The following NAA15 variants were observed in gnomAD, a reference collection of about 807,000 sequenced individuals.
NAA15 encodes N-terminal acetyltransferase.
NAA15 carries 34 observed loss-of-function variants against 114.0 expected under a neutral mutation model. The observed-to-expected ratio is 0.30, with a 90% CI of 0.23 to 0.40. The LOEUF is 0.40. NAA15 is among the 10% of genes least tolerant of loss of function. The pLI is 1.00. For synonymous variants in NAA15, 340 were observed against 338.0 expected (o/e 1.01, Z -0.06); for missense variants, 658 against 1,004.5 (o/e 0.66, Z 4.66).
At chr4:139,341,612 A>AAG (rs1187229291) in intron 4 of NAA15, among the ~76,000 whole-genome samples, 6 of 150,722 alleles carry the variant, frequency 4.0e-5, no homozygotes, top group African/African-American at 9.7e-5. Flanking sequence ...AAAAAAAAAA[A>AAG]AAAAAAAGAA....
chr4:139,378,700 C>G lies in NAA15; in HGVS notation c.2057-56C>G, dbSNP rs187939374. 15 of 1,120,762 alleles carry G rather than the reference C, an allele frequency of 1.3e-5. No homozygotes were observed. The African/African-American group carries it at 2.3e-4, about 17-fold the overall frequency. The allele number at this position is 1,120,762 out of a possible 1,614,324, so 69.4% of individuals were successfully genotyped here. ...TTTCTATTTGTGAAGTCTTGGCCCT[C>G]CAAAGGAGGCCTCTTATCCAATGAT... is the stretch of plus-strand genomic sequence containing the variant. On this transcript the variant is annotated intron_variant, in intron 16 of 19. Coordinates refer to ENST00000296543, the MANE Select transcript of NAA15 (RefSeq NM_057175.5).
chr4:139,344,894 A>G (rs1747531883), intron 6 of NAA15, among the ~76,000 whole-genome samples: 1 of 152,206 alleles, frequency 6.6e-6, no homozygotes, highest in Admixed American at 6.5e-5. Context: ...TTGTGATAGG[A>G]GGGGTAGATC....
chr4:139,370,410 T>C lies in NAA15; in HGVS notation c.1947+6T>C. ...TTCCAGAGAAACTGGCCAAGGTACT[T>C]AATAATAGTGTTTAGCACAATTGAG... On this transcript the variant is annotated splice_donor_region_variant and intron_variant, in intron 15 of 19. Transcript: ENST00000296543. The C allele has an allele frequency of 6.4e-7, 1 of 1,563,336 alleles. No homozygotes were observed. The highest frequency in any genetic ancestry group is 8.6e-7 in the Non-Finnish European group (1 of 1,164,286).
At position 139,354,111 on chromosome 4, in the gene NAA15, G is replaced by C. The variant is rs527263917; in HGVS notation, c.1087+13G>C. On this transcript the variant is annotated intron_variant, in intron 10 of 19. Transcript: ENST00000296543. ...TTTAACCCCAATGGTAAGTCCTCAA[G>C]TTTTATGTTTTAAAAACATCTTGAA... 1 of 1,601,116 alleles carries C rather than the reference G, an allele frequency of 6.2e-7. No homozygotes were observed. Among genetic ancestry groups the C allele is most frequent in the Admixed American group, 1.7e-5 (1 of 59,328 alleles).
At chr4:139,377,358 G>A (rs1748618822) in intron 16 of NAA15, among the ~76,000 whole-genome samples, 1 of 152,074 alleles carries the variant, frequency 6.6e-6, no homozygotes, top group Admixed American at 6.6e-5. Context: ...CCAACATGGA[G>A]AAACCCCGTC....
chr4:139,309,037 A>G (rs1400583807), intron 1 of NAA15, among the ~76,000 whole-genome samples: 1 of 152,172 alleles, frequency 6.6e-6, no homozygotes, highest in South Asian at 2.1e-4. Context: ...AAAAATTACA[A>G]AATGATTTTT....
intron 1 of NAA15, among the ~76,000 whole-genome samples, chr4:139,320,470 C>T (rs983868152): frequency 2.0e-5 from 3 of 152,038 alleles, no homozygotes; most frequent in African/African-American, 7.2e-5. Context: ...GTTGCTTTTC[C>T]CAGTTCTTTC....
rs1052383154 is a variant in NAA15 at position 139,351,703 on chromosome 4, G to A, written c.1014+92G>A. ...CTTGATTATCTCTGCACAGTAGTAC[G>A]TGTTTTGTGAATCTCATGTCAGTCT... On this transcript the variant is annotated intron_variant, in intron 9 of 19. Coordinates refer to ENST00000296543, the MANE Select transcript of NAA15 (RefSeq NM_057175.5). 3.8e-5 allele frequency: 23 copies of A among 608,152 alleles called. No homozygotes were observed. The Admixed American group carries it at 5.2e-4, about 14-fold the overall frequency. 37.7% of individuals were successfully genotyped at this position (608,152 alleles called of 1,614,324 possible).
chr4:139,361,870 A>G lies in NAA15; in HGVS notation c.1686A>G (p.Ile562Met). ...PFYFKAARIA[I>M]EIYLKLHDNP... ...ACTTCAAGGCAGCAAGAATTGCTAT[A>G]GAGATCTATTTGAAGCTTCATGACA... Residue 562 changes from isoleucine (I) to methionine (M), a missense_variant, in exon 14 of 20, where the codon ATA becomes ATG. Around this residue, in one of 6 missense-constraint regions of NAA15, gnomAD observed 275 missense variants for 371.1 expected, o/e 0.74. Coordinates refer to ENST00000296543, the MANE Select transcript of NAA15 (RefSeq NM_057175.5). 1.9e-6 allele frequency: 3 copies of G among 1,613,506 alleles called. No homozygotes were observed. The highest frequency in any genetic ancestry group is 2.5e-6 in the Non-Finnish European group (3 of 1,179,550).
intron 6 of NAA15, 118 bp from the exon 7 acceptor site, chr4:139,349,344 C>T (rs1236492443): frequency 1.4e-5 from 12 of 832,906 alleles, no homozygotes; most frequent in Non-Finnish European, 2.1e-5. Flanking sequence ...CCAGGTCCAT[C>T]CACTTAGCAG....
intron 1 of NAA15, among the ~76,000 whole-genome samples, chr4:139,325,113 G>GC: frequency 1.2e-5 from 1 of 82,866 alleles, no homozygotes; most frequent in East Asian, 2.7e-4. Flanking sequence ...CATTCAAGGG[G>GC]CGGGGGGTTT....
intron 10 of NAA15, among the ~76,000 whole-genome samples, chr4:139,356,894 G>T (rs1028226440): frequency 1.5e-4 from 22 of 149,394 alleles, no homozygotes; most frequent in Non-Finnish European, 8.9e-5. Context: ...AATATATTAA[G>T]AATATAATCA....
At chr4:139,360,730 G>T in intron 13 of NAA15, 102 bp downstream of exon 13, 1 of 1,053,736 alleles carries the variant, frequency 9.5e-7, no homozygotes, top group East Asian at 3.0e-5. Context: ...ATTCATAGTA[G>T]GTGCTTTTTA....
At chr4:139,342,753 T>C (rs1747450666) in intron 4 of NAA15, 73 bp from the exon 5 acceptor site, 3 of 1,456,550 alleles carry the variant, frequency 2.1e-6, no homozygotes, top group South Asian at 2.5e-5. Flanking sequence ...TGGCCTAATA[T>C]GGAGATCTTT....
chr4:139,351,311 AT>A (rs770801370), intron 8 of NAA15, 25 bp downstream of exon 8: 29 of 1,462,752 alleles, frequency 2.0e-5, no homozygotes, highest in Middle Eastern at 1.7e-4. Context: ...TTGCAAAGGA[AT>A]AGAAATGCTT....
chr4:139,304,173 C>G (rs546391798), intron 1 of NAA15, among the ~76,000 whole-genome samples: 138 of 152,368 alleles, frequency 9.1e-4, no homozygotes, highest in African/African-American at 3.1e-3. Flanking sequence ...CCGCCTCGGC[C>G]TTCCGAAGTG....
intron 2 of NAA15, among the ~76,000 whole-genome samples, chr4:139,336,080 A>G (rs1315603200): frequency 6.6e-6 from 1 of 152,124 alleles, no homozygotes; most frequent in East Asian, 1.9e-4. Context: ...TAAACGGTAC[A>G]TGTTGATTCT....
chr4:139,322,341 T>A (rs1291435840), intron 1 of NAA15, among the ~76,000 whole-genome samples: 1 of 152,200 alleles, frequency 6.6e-6, no homozygotes, highest in African/African-American at 2.4e-5. Flanking sequence ...CCTTTCACCT[T>A]CTGCCATGAT....
At chr4:139,354,709 T>G (rs1747886533) in intron 10 of NAA15, among the ~76,000 whole-genome samples, 1 of 152,220 alleles carries the variant, frequency 6.6e-6, no homozygotes. Context: ...TTCAATAATT[T>G]TTAATTCATA....
Sources: gnomAD v4.1 joint callset for allele counts (sites outside exome capture counted in the v4.1 genomes callset) on GRCh38, gnomAD v4.1.1 for gene constraint, gnomAD v4.1.1 regional missense constraint, MANE v1.5 for transcripts, NCBI Gene and HGNC (gene_info 2026-07-23, HGNC 2026-07-21) for gene names.